FAAH2: variants seen among roughly 807,000 people sequenced by gnomAD.
FAAH2 encodes the protein fatty-acid amide hydrolase 2.
A neutral mutation model predicts 36.9 loss-of-function variants in FAAH2; 60 were observed. The observed-to-expected ratio is 1.63, with a 90% confidence interval of 1.32 to 2.02. FAAH2 has a LOEUF of 2.02. Ranked by LOEUF, FAAH2 falls within the 30% of genes most tolerant of loss-of-function variation. The pLI is 0.00. For missense variants in FAAH2, 689 were observed against 397.5 expected (o/e 1.73, Z -6.23); for synonymous variants, 214 against 143.8 (o/e 1.49, Z -3.49).
intron 7 of FAAH2, among the ~76,000 whole-genome samples, chrX:57,420,198 G>T (rs1480491808): frequency 1.9e-5 from 2 of 107,531 alleles, no homozygotes; most frequent in African/African-American, 3.5e-5. Flanking sequence ...ACTTGGCGAT[G>T]TGGGCTCTTT....
intron 10 of FAAH2, among the ~76,000 whole-genome samples, chrX:57,484,325 A>C (rs753901903): frequency 1.8e-4 from 20 of 110,574 alleles, no homozygotes; most frequent in Admixed American, 9.6e-4. Flanking sequence ...GCCCACAAAT[A>C]CTCCAATGAT....
the FAAH2 span, among the ~76,000 whole-genome samples, chrX:57,228,024 A>C: frequency 8.9e-6 from 1 of 112,032 alleles, no homozygotes; most frequent in South Asian, 3.7e-4. Flanking sequence ...ACCTGTTTCC[A>C]GGTGAAGGGC....
chrX:57,132,776 G>C, the FAAH2 span, among the ~76,000 whole-genome samples: 1 of 112,520 alleles, frequency 8.9e-6, no homozygotes, highest in East Asian at 2.8e-4. Context: ...TTAATACGTG[G>C]ATGGCTTTCC....
chrX:57,482,319 G>A (rs1250623750), intron 10 of FAAH2, among the ~76,000 whole-genome samples: 1 of 111,631 alleles, frequency 9.0e-6, no homozygotes, highest in African/African-American at 3.3e-5. Context: ...AAATATGCCT[G>A]CAGCTATCTC....
the FAAH2 span, among the ~76,000 whole-genome samples, chrX:57,280,853 A>C: frequency 8.9e-6 from 1 of 112,498 alleles, no homozygotes; most frequent in African/African-American, 3.2e-5. Flanking sequence ...GGTTAAACAA[A>C]CCATGGCACA....
the FAAH2 span, among the ~76,000 whole-genome samples, chrX:57,232,662 C>T: frequency 1.8e-5 from 2 of 111,956 alleles, no homozygotes; most frequent in African/African-American, 6.5e-5. Context: ...TATTTATATT[C>T]CTTTGCCAGT....
the FAAH2 span, among the ~76,000 whole-genome samples, chrX:57,168,073 ATTTCT>A: frequency 8.9e-6 from 1 of 112,006 alleles, no homozygotes; most frequent in Non-Finnish European, 1.9e-5. Context: ...ACTTTTAGTA[ATTTCT>A]TTTTTTAATA....
chrX:57,253,341 C>G, the FAAH2 span, among the ~76,000 whole-genome samples: 2 of 111,648 alleles, frequency 1.8e-5, no homozygotes, highest in Non-Finnish European at 3.8e-5. Context: ...TTGGAAAACA[C>G]TCTTCAGGAT....
Position 57,448,694 on chromosome X carries a change from C to T in FAAH2, c.1399C>T (p.Arg467Trp), listed in dbSNP as rs750962149. 2.2e-5 allele frequency: 26 copies of T among 1,207,802 alleles called. No individual in the cohort carries two copies. The African/African-American group carries it at 2.6e-4, about 12-fold the overall frequency. Residue 467 changes from arginine to tryptophan, a missense_variant, in exon 10 of 11, where the codon CGG becomes TGG. Transcript: ENST00000374900. ...VAPKHHVPLT[R>W]PFNFAYTGVF... ...ACCTAAGCATCATGTCCCTCTAACACGGCCTTTCAACTTTGCTTACACAGG... is the reference window on the plus strand; with the variant it reads ...ACCTAAGCATCATGTCCCTCTAACATGGCCTTTCAACTTTGCTTACACAGG...
the FAAH2 span, among the ~76,000 whole-genome samples, chrX:57,237,613 C>T: frequency 2.0e-4 from 22 of 110,688 alleles, no homozygotes; most frequent in African/African-American, 6.9e-4. Context: ...AAATTAACTC[C>T]TTTTCAATTG....
At chrX:57,214,122 C>T in the FAAH2 span, among the ~76,000 whole-genome samples, 1 of 111,648 alleles carries the variant, frequency 9.0e-6, no homozygotes, top group Non-Finnish European at 1.9e-5. Context: ...AGTATAGCTA[C>T]TCTTCTTTAC....
chrX:57,266,796 G>T, the FAAH2 span, among the ~76,000 whole-genome samples: 5 of 112,433 alleles, frequency 4.4e-5, no homozygotes, highest in African/African-American at 1.6e-4. Flanking sequence ...GCAAAGTGGT[G>T]GAACAGCAAG....
At chrX:57,382,043 A>C (rs775542619) in intron 7 of FAAH2, among the ~76,000 whole-genome samples, 1 of 111,940 alleles carries the variant, frequency 8.9e-6, no homozygotes, top group Non-Finnish European at 1.9e-5. Context: ...GCTTAACTAC[A>C]TGGAAACTGA....
At chrX:57,445,899 C>A (rs1221448467) in intron 8 of FAAH2, among the ~76,000 whole-genome samples, 3 of 112,107 alleles carry the variant, frequency 2.7e-5, no homozygotes, top group Non-Finnish European at 3.8e-5. Context: ...TTTTCCAAGG[C>A]CTGTAGTCCT....
At chrX:57,227,005 A>AT in the FAAH2 span, among the ~76,000 whole-genome samples, 142 of 107,856 alleles carry the variant, frequency 1.3e-3, no homozygotes, top group African/African-American at 4.0e-3. Flanking sequence ...TGAATTTTTA[A>AT]TTTTTTTTTT....
intron 2 of FAAH2, among the ~76,000 whole-genome samples, chrX:57,296,926 C>A (rs1384319405): frequency 9.1e-6 from 1 of 109,471 alleles, no homozygotes; most frequent in East Asian, 2.9e-4. Context: ...AAGAAATGAA[C>A]CAGCATCCAA....
At chrX:57,360,690 A>G (rs759610826) in intron 5 of FAAH2, among the ~76,000 whole-genome samples, 33 of 111,056 alleles carry the variant, frequency 3.0e-4, no homozygotes, top group African/African-American at 9.5e-4. Context: ...TTTAAGTTCT[A>G]GGATACAAGT....
the FAAH2 span, among the ~76,000 whole-genome samples, chrX:57,175,358 T>C: frequency 8.9e-6 from 1 of 111,919 alleles, no homozygotes; most frequent in Non-Finnish European, 1.9e-5. Context: ...TGTTCTAAAG[T>C]CTGTTTTATG....
intron 10 of FAAH2, among the ~76,000 whole-genome samples, chrX:57,451,754 C>A (rs1191920474): frequency 9.0e-6 from 1 of 111,404 alleles, no homozygotes; most frequent in Non-Finnish European, 1.9e-5. Context: ...AAAAGGTAAG[C>A]ATGTCATGGA....
Sources: gnomAD v4.1 joint callset for allele counts (sites outside exome capture counted in the v4.1 genomes callset) on GRCh38, gnomAD v4.1.1 for gene constraint, MANE v1.5 for transcripts, NCBI Gene and HGNC (gene_info 2026-07-23, HGNC 2026-07-21) for gene names.